Variants in PDGFRA observed in about 807,000 individuals in gnomAD.
PDGFRA encodes the protein platelet-derived growth factor receptor alpha.
In PDGFRA, 25 loss-of-function variants were observed where a neutral mutation model predicts 121.5. That is an observed-to-expected ratio of 0.21 (90% confidence interval 0.15 to 0.29). The LOEUF (loss-of-function observed/expected upper bound fraction) is 0.29, where lower values mean the gene tolerates loss of function less well. Ranked by LOEUF, PDGFRA falls within the 10% of genes least tolerant of loss-of-function variation. The pLI is 1.00. For synonymous variants in PDGFRA, 463 were observed against 494.8 expected (o/e 0.94, Z 0.85); for missense variants, 1,008 against 1,345.1 (o/e 0.75, Z 3.92).
At chr4:54,292,565 T>C (rs1286008183) in intron 22 of PDGFRA, among the ~76,000 whole-genome samples, 2 of 152,110 alleles carry the variant, frequency 1.3e-5, no homozygotes, top group Non-Finnish European at 2.9e-5. Context: ...TAATGGATAC[T>C]GGGCATAATA....
At chr4:54,247,608 C>T (rs1721766538) in intron 1 of PDGFRA, among the ~76,000 whole-genome samples, 1 of 152,026 alleles carries the variant, frequency 6.6e-6, no homozygotes, top group South Asian at 2.1e-4. Context: ...AACCCACAGC[C>T]AATATCATAC....
chr4:54,258,712 T>C, intron 1 of PDGFRA, 45 bp from the exon 2 acceptor site: 2 of 1,209,472 alleles, frequency 1.7e-6, no homozygotes, highest in African/African-American at 3.0e-5. Flanking sequence ...TCCAGGGTTG[T>C]TTCTATTTGC....
chr4:54,267,188 C>A, intron 5 of PDGFRA, 101 bp from the exon 6 acceptor site: 2 of 1,128,788 alleles, frequency 1.8e-6, no homozygotes. Flanking sequence ...TGCTGAACCT[C>A]CATTGACACA....
chr4:54,257,770 G>A (rs1722453761), intron 1 of PDGFRA, among the ~76,000 whole-genome samples: 1 of 152,160 alleles, frequency 6.6e-6, no homozygotes, highest in Admixed American at 6.5e-5. Flanking sequence ...AAGAAGAGAG[G>A]TCTTTTCACA....
In PDGFRA at chr4:54,273,679, G is replaced by A. The variant is rs1560479104; in HGVS notation, c.1507G>A (p.Ala503Thr). The A allele has an allele frequency of 5.0e-6, 8 of 1,613,910 alleles. No homozygotes were observed. Among genetic ancestry groups the A allele is most frequent in the Non-Finnish European group, 6.8e-6 (8 of 1,180,040 alleles). ...VEETIAVRCL[A>T]KNLLGAENRE... ...GGAGACCATCGCCGTGCGATGCCTG[G>A]CTAAGAATCTCCTTGGAGCTGAGAA... Residue 503 changes from alanine (A) to threonine (T), a missense_variant, in exon 10 of 23, where the codon GCT (alanine) becomes ACT (threonine). By Grantham distance (58) the Ala-to-Thr change is moderately conservative. Transcript: ENST00000257290.
intron 1 of PDGFRA, among the ~76,000 whole-genome samples, chr4:54,237,552 G>A (rs1377403151): frequency 6.6e-6 from 1 of 152,196 alleles, no homozygotes; most frequent in African/African-American, 2.4e-5. Flanking sequence ...TTGTCAGTGG[G>A]AGGCTGATAT....
At chr4:54,250,514 C>G (rs2110214919) in intron 1 of PDGFRA, among the ~76,000 whole-genome samples, 1 of 152,208 alleles carries the variant, frequency 6.6e-6, no homozygotes, top group Non-Finnish European at 1.5e-5. Flanking sequence ...GTATATGTTC[C>G]AAAATTATGC....
At chr4:54,270,212 A>G (rs953192818) in intron 7 of PDGFRA, among the ~76,000 whole-genome samples, 3 of 152,202 alleles carry the variant, frequency 2.0e-5, no homozygotes, top group Non-Finnish European at 4.4e-5. Context: ...TCCTCATTCT[A>G]TCCTCCAGTG....
chr4:54,247,564 A>G (rs981581131), intron 1 of PDGFRA, among the ~76,000 whole-genome samples: 1 of 151,168 alleles, frequency 6.6e-6, no homozygotes, highest in Non-Finnish European at 1.5e-5. Flanking sequence ...TGTAAATGGG[A>G]CGTATCTCAA....
intron 2 of PDGFRA, among the ~76,000 whole-genome samples, chr4:54,259,509 G>T (rs1439200979): frequency 6.6e-6 from 1 of 152,124 alleles, no homozygotes; most frequent in East Asian, 1.9e-4. Context: ...CCACCAAAAG[G>T]ATCATTGGGG....
At chr4:54,261,053 C>T in intron 2 of PDGFRA, 42 bp from the exon 3 acceptor site, 6 of 1,572,582 alleles carry the variant, frequency 3.8e-6, no homozygotes, top group Non-Finnish European at 5.3e-6. Flanking sequence ...TGAGACTGTC[C>T]TTTCTGACTG....
intron 1 of PDGFRA, among the ~76,000 whole-genome samples, chr4:54,241,295 G>T (rs910925355): frequency 3.1e-4 from 47 of 151,942 alleles, no homozygotes; most frequent in African/African-American, 1.1e-3. Flanking sequence ...ATATGAAGAC[G>T]TATTTTTGGT....
intron 7 of PDGFRA, 76 bp downstream of exon 7, chr4:54,267,817 C>A: frequency 1.8e-6 from 2 of 1,141,704 alleles, no homozygotes; most frequent in Admixed American, 1.7e-5. Context: ...GTGTGTCTTA[C>A]AACCCAGACC....
chr4:54,264,813 A>T, intron 4 of PDGFRA, 106 bp from the exon 5 acceptor site: 1 of 1,098,094 alleles, frequency 9.1e-7, no homozygotes, highest in Non-Finnish European at 1.3e-6. Context: ...CTGGTTTGCA[A>T]ATTATTTTTC....
At position 54,284,879 on chromosome 4, in the gene PDGFRA, C is replaced by CTTTTTTTTTTTTTTTTTTTT. The variant is rs5858264; in HGVS notation, c.2324-489_2324-470dup. On this transcript the variant is annotated intron_variant, in intron 16 of 22. Transcript: ENST00000257290. ...CTTTCCTTTCTTTCATTCTTTCTATCTTTTTTTTTTTTTTTTTTTTTTGAG... is the reference window on the plus strand; with the variant it reads ...CTTTCCTTTCTTTCATTCTTTCTATCTTTTTTTTTTTTTTTTTTTTTTTTTTTTTTTTTTTTTTTTTTGAG... Among the ~76,000 whole-genome samples, 36 of 101,248 alleles carry CTTTTTTTTTTTTTTTTTTTT rather than the reference C, an allele frequency of 3.6e-4. 10 individuals carry two copies. Among genetic ancestry groups the CTTTTTTTTTTTTTTTTTTTT allele is most frequent in the Admixed American group, 3.9e-4 (3 of 7,696 alleles). 66.4% of individuals were successfully genotyped at this position (101,248 alleles called of 152,430 possible). A position where few individuals can be genotyped will look rare whatever the true frequency, so the allele number is the denominator to read the frequency against.
At chr4:54,276,527 G>A (rs1723737075) in intron 12 of PDGFRA, among the ~76,000 whole-genome samples, 1 of 152,114 alleles carries the variant, frequency 6.6e-6, no homozygotes, top group African/African-American at 2.4e-5. Flanking sequence ...TTATTTTCCT[G>A]CCTATTTCCC....
At chr4:54,257,361 C>T (rs567150607) in intron 1 of PDGFRA, among the ~76,000 whole-genome samples, 17 of 152,192 alleles carry the variant, frequency 1.1e-4, no homozygotes, top group Admixed American at 4.6e-4. Context: ...AGTTAAGCAG[C>T]GTGGCTGTTC....
chr4:54,281,924 G>A (rs1724100390), intron 16 of PDGFRA: 2 of 1,148,694 alleles, frequency 1.7e-6, no homozygotes, highest in Admixed American at 4.7e-5. Context: ...CAAATTATAA[G>A]CAAAGTACTA....
intron 1 of PDGFRA, among the ~76,000 whole-genome samples, chr4:54,243,955 G>A (rs973488043): frequency 2.0e-4 from 31 of 152,304 alleles, no homozygotes; most frequent in Non-Finnish European, 3.2e-4. Context: ...ACAGAGTCTC[G>A]CTGATTGCTA....
Sources: allele counts gnomAD v4.1 joint callset (sites outside exome capture counted in the v4.1 genomes callset), GRCh38; gene constraint gnomAD v4.1.1; transcripts MANE v1.5; gene names NCBI Gene and HGNC (gene_info 2026-07-23, HGNC 2026-07-21).